The following POLE4 variants were observed in gnomAD, a reference collection of about 807,000 sequenced individuals.
POLE4 encodes the protein DNA polymerase epsilon 4, accessory subunit, also known as DNA polymerase epsilon subunit 4.
POLE4 carries 15 observed loss-of-function variants against 15.6 expected under a neutral mutation model. The observed-to-expected ratio is 0.96, with a 90% CI of 0.64 to 1.48. POLE4 has a LOEUF of 1.48. Among genes scored for constraint, POLE4 ranks in the 40% most tolerant of loss-of-function variants. The probability of loss-of-function intolerance (pLI) is 0.00; values close to 1 mark genes in which losing one functional copy is unlikely to be tolerated. For missense variants in POLE4, 205 were observed against 151.9 expected (o/e 1.35, Z -1.84); for synonymous variants, 83 against 63.2 (o/e 1.31, Z -1.49).
At position 74,969,670 on chromosome 2, in the gene POLE4, G is replaced by T. The variant is rs1168774135; in HGVS notation, c.*248G>T. The stretch of plus-strand genomic sequence containing the variant: ...GCTGCTTAGAGCAGAGATGAAGAAA[G>T]TGTTCTGCATAAGTGGCTTCCTGAA... On this transcript the variant is annotated 3_prime_UTR_variant, in exon 4 of 4. Transcript: ENST00000483063. The T allele has an allele frequency of 2.0e-5, 11 of 552,202 alleles. No individual in the cohort carries two copies. Among genetic ancestry groups the T allele is most frequent in the Non-Finnish European group, 2.3e-5 (7 of 306,694 alleles). 34.2% of individuals were successfully genotyped at this position (552,202 alleles called of 1,614,324 possible).
At chr2:74,960,289 C>A in intron 3 of POLE4, 143 bp downstream of exon 3, 2 of 713,928 alleles carry the variant, frequency 2.8e-6, no homozygotes, top group East Asian at 2.5e-5. Context: ...AAAAAAGTAA[C>A]TTGCTAAACC....
chr2:74,958,780 C>T lies in POLE4; in HGVS notation c.101C>T (p.Pro34Leu), dbSNP rs1260346484. The T allele has an allele frequency of 1.3e-6, 2 of 1,550,622 alleles. No individual in the cohort carries two copies. The highest frequency in any genetic ancestry group is 1.7e-6 in the Non-Finnish European group (2 of 1,146,624). The change falls in exon 1 of 4, where the codon CCT (proline) becomes CTT (leucine). Residue 34 changes from proline (P) to leucine (L), a missense_variant. Transcript: ENST00000483063. ...CAGCCCCAGGCCCCAACGAGTGTGC[C>T]TGGGGCTCGTCTCTCGAGGTTGCCT... Reference protein sequence around the residue: ...ASQPQAPTSVPGARLSRLPLA... With the variant: ...ASQPQAPTSVLGARLSRLPLA...
At position 74,969,443 on chromosome 2, in the gene POLE4, G is replaced by C. The variant is rs1225443720; in HGVS notation, c.*21G>C. Reference sequence around the variant, plus strand: ...ATTGATTGCCGAGCGGGGCAGTTTTGTGAGCCTTCATCTGAAGCCTTCAGT... The same window carrying C: ...ATTGATTGCCGAGCGGGGCAGTTTTCTGAGCCTTCATCTGAAGCCTTCAGT... On this transcript the variant is annotated 3_prime_UTR_variant, in exon 4 of 4. Transcript: ENST00000483063. The C allele has an allele frequency of 6.2e-7, 1 of 1,612,668 alleles. No homozygotes were observed. The highest frequency in any genetic ancestry group is 2.2e-5 in the East Asian group (1 of 44,878).
chr2:74,968,057 T>C (rs1441555248), intron 3 of POLE4, among the ~76,000 whole-genome samples: 2 of 152,214 alleles, frequency 1.3e-5, no homozygotes, highest in East Asian at 3.8e-4. Context: ...CTTTTTCAGA[T>C]TGGCAGATGT....
At chr2:74,963,495 A>T in intron 3 of POLE4, among the ~76,000 whole-genome samples, 1 of 150,600 alleles carries the variant, frequency 6.6e-6, no homozygotes, top group Non-Finnish European at 1.5e-5. Flanking sequence ...GCTGTATTTT[A>T]TTTCATTTTT....
At chr2:74,964,788 C>T (rs916948855) in intron 3 of POLE4, among the ~76,000 whole-genome samples, 1 of 151,978 alleles carries the variant, frequency 6.6e-6, no homozygotes, top group Non-Finnish European at 1.5e-5. Flanking sequence ...ATATCATCTG[C>T]CAATAATAAT....
In POLE4 at chr2:74,959,434, G is replaced by A. The variant is rs1558826824; in HGVS notation, c.298+9G>A. On this transcript the variant is annotated intron_variant, in intron 2 of 3. Coordinates refer to ENST00000483063, the MANE Select transcript of POLE4 (RefSeq NM_019896.4). ...TCAGAGGAGAGACTTGGGTAGAGTG[G>A]CACTGCAGTGTCTGGGGACAGACAA... The A allele has an allele frequency of 6.3e-7, 1 of 1,576,642 alleles. No homozygotes were observed. Among genetic ancestry groups the A allele is most frequent in the Non-Finnish European group, 8.7e-7 (1 of 1,146,220 alleles).
chr2:74,966,664 C>T lies in POLE4; in HGVS notation c.341-2745C>T, dbSNP rs1192948778. Reference sequence around the variant, plus strand: ...AAGTCATCTGCCTGCCTTGGCCTCCCAAGTGCTGGGATTACAGGCGTGAGC... The same window carrying T: ...AAGTCATCTGCCTGCCTTGGCCTCCTAAGTGCTGGGATTACAGGCGTGAGC... On this transcript the variant is annotated intron_variant, in intron 3 of 3. Transcript: ENST00000483063. 3.9e-5 allele frequency among the ~76,000 whole-genome samples: 6 copies of T among 152,266 alleles called. 1 individual carries two copies. The South Asian group carries it at 8.3e-4, about 21-fold the overall frequency.
At chr2:74,963,531 T>C (rs1268603737) in intron 3 of POLE4, among the ~76,000 whole-genome samples, 1 of 151,850 alleles carries the variant, frequency 6.6e-6, no homozygotes, top group Non-Finnish European at 1.5e-5. Flanking sequence ...TGACGTGGAG[T>C]CTTGCTTTGT....
intron 3 of POLE4, among the ~76,000 whole-genome samples, chr2:74,965,487 G>T (rs1425585852): frequency 6.6e-6 from 1 of 152,186 alleles, no homozygotes; most frequent in East Asian, 1.9e-4. Context: ...CAGTGATGCT[G>T]TTAGAGGGGT....
intron 3 of POLE4, among the ~76,000 whole-genome samples, chr2:74,967,747 G>A (rs1405881115): frequency 1.3e-5 from 2 of 152,162 alleles, no homozygotes; most frequent in Non-Finnish European, 2.9e-5. Flanking sequence ...GCCATATGGT[G>A]ATACTTTCTC....
intron 1 of POLE4, 158 bp downstream of exon 1, chr2:74,959,050 G>C: frequency 1.5e-6 from 1 of 674,152 alleles, no homozygotes; most frequent in Admixed American, 2.9e-5. Context: ...GGACCTGTGC[G>C]AGTTTTGTTA....
intron 2 of POLE4, 41 bp downstream of exon 2, chr2:74,959,466 GC>G (rs1376351901): frequency 7.4e-7 from 1 of 1,347,592 alleles, no homozygotes; most frequent in African/African-American, 1.4e-5. Context: ...ACAAGGGAGG[GC>G]TGGGCTGGTT....
chr2:74,966,597 G>T (rs1206850868), intron 3 of POLE4, among the ~76,000 whole-genome samples: 1 of 152,090 alleles, frequency 6.6e-6, no homozygotes, highest in African/African-American at 2.4e-5. Flanking sequence ...TAGAGATGGG[G>T]TTTCACCATG....
At chr2:74,959,307 C>T (rs774586692) in intron 1 of POLE4, 34 bp from the exon 2 acceptor site, 25 of 1,431,880 alleles carry the variant, frequency 1.7e-5, no homozygotes, top group Non-Finnish European at 2.4e-5. Context: ...TGTGTTAGAA[C>T]CCATTACTAA....
chr2:74,958,653 G>T lies in POLE4; in HGVS notation c.-27G>T. 1.4e-6 allele frequency: 2 copies of T among 1,398,304 alleles called. No homozygotes were observed. The highest frequency in any genetic ancestry group is 1.8e-6 in the Non-Finnish European group (2 of 1,082,400). The allele number at this position is 1,398,304 out of a possible 1,614,324, so 86.6% of individuals were successfully genotyped here. A position where few individuals can be genotyped will look rare whatever the true frequency, so the allele number is the denominator to read the frequency against. On this transcript the variant is annotated 5_prime_UTR_variant, in exon 1 of 4. Coordinates refer to ENST00000483063, the MANE Select transcript of POLE4 (RefSeq NM_019896.4). The stretch of plus-strand genomic sequence containing the variant: ...GCCGCATGCGCGCGCACAGTCGGCG[G>T]CCGCGCGCAGCACGCTCAAGGCCGG...
chr2:74,960,405 AT>A (rs1671198850), intron 3 of POLE4, among the ~76,000 whole-genome samples: 1 of 152,234 alleles, frequency 6.6e-6, no homozygotes, highest in Admixed American at 6.5e-5. Flanking sequence ...AGTTAGATGA[AT>A]TCGAAAGTTC....
chr2:74,967,677 A>G (rs1482915668), intron 3 of POLE4, among the ~76,000 whole-genome samples: 4 of 152,074 alleles, frequency 2.6e-5, no homozygotes, highest in Admixed American at 2.6e-4. Flanking sequence ...TTATCCCCCT[A>G]TATGCCTATC....
chr2:74,959,786 G>A (rs537801838), intron 2 of POLE4: 4 of 455,808 alleles, frequency 8.8e-6, no homozygotes, highest in South Asian at 7.7e-5. Context: ...ATTCTCATGC[G>A]CCCTGCGTCT....
Sources: allele counts gnomAD v4.1 joint callset (sites outside exome capture counted in the v4.1 genomes callset), GRCh38; gene constraint gnomAD v4.1.1; transcripts MANE v1.5; gene names NCBI Gene and HGNC (gene_info 2026-07-23, HGNC 2026-07-21).